Variants in ZNF706 observed in about 807,000 individuals in gnomAD.
ZNF706 encodes zinc finger protein 706.
In ZNF706, 4 loss-of-function variants were observed where a neutral mutation model predicts 9.2. The observed-to-expected ratio is 0.43, with a 90% CI of 0.21 to 0.99. ZNF706 has a LOEUF of 0.99. Among genes scored for constraint, ZNF706 ranks in the 50% least tolerant of loss-of-function variants. ZNF706 has a pLI of 0.26. For synonymous variants in ZNF706, 28 were observed against 27.3 expected, an observed-to-expected ratio of 1.03 and a Z score of -0.08; for missense variants, 27 against 87.8, an observed-to-expected ratio of 0.31 and a Z score of 2.77.
intron 1 of ZNF706, chr8:101,204,866 A>G: frequency 1.0e-6 from 1 of 985,762 alleles, no homozygotes. Context: ...TCGGAAAGGA[A>G]GAGGCCCAGG....
Position 101,201,423 on chromosome 8 carries a change from G to A in ZNF706, c.135+184C>T. ...CCCAGCACCTAGAGATTTTTGCCTG[G>A]CCACAGGAGCCATTCAAAAAATATT... On this transcript the variant is annotated intron_variant, in intron 2 of 3. Coordinates refer to ENST00000311212, the MANE Select transcript of ZNF706 (RefSeq NM_016096.5). This position sits in a 1 kb window ranked among gnomAD's most constrained non-coding sequence, Gnocchi z 4.5. 1.7e-6 allele frequency: 1 copy of A among 579,980 alleles called. No individual in the cohort carries two copies. Among genetic ancestry groups the A allele is most frequent in the Non-Finnish European group, 2.9e-6 (1 of 345,734 alleles). 35.9% of individuals were successfully genotyped at this position (579,980 alleles called of 1,614,324 possible). A position where few individuals can be genotyped will look rare whatever the true frequency, so the allele number is the denominator to read the frequency against.
At position 101,201,451 on chromosome 8, in the gene ZNF706, T is replaced by C; in HGVS notation, c.135+156A>G. 1.4e-6 allele frequency: 1 copy of C among 708,122 alleles called. No homozygotes were observed. Among genetic ancestry groups the C allele is most frequent in the Non-Finnish European group, 2.2e-6 (1 of 450,542 alleles). The allele number at this position is 708,122 out of a possible 1,614,324, so 43.9% of individuals were successfully genotyped here. A position where few individuals can be genotyped will look rare whatever the true frequency, so the allele number is the denominator to read the frequency against. On this transcript the variant is annotated intron_variant, in intron 2 of 3. Transcript: ENST00000311212. This position sits in a 1 kb window ranked among gnomAD's most constrained non-coding sequence, Gnocchi z 4.5. ...ACAGGAGCCATTCAAAAAATATTTG[T>C]TTAAAGGGTGAATGAAAATAGATAC...
At position 101,197,910 on chromosome 8, in the gene ZNF706, AG is replaced by A. The variant is rs1810421413; in HGVS notation, c.*1341del. 6.6e-6 allele frequency: 1 copy of A among 152,206 alleles called. No individual in the cohort carries two copies. Among genetic ancestry groups the A allele is most frequent in the African/African-American group, 2.4e-5 (1 of 41,460 alleles). The allele number at this position is 152,206 out of a possible 1,614,324, so 9.4% of individuals were successfully genotyped here. The stretch of plus-strand genomic sequence containing the variant: ...AAGCAATGATAAGCTACAGCAGAAG[AG>A]GGAATGCATTCTGTAATCCACAGGA... On this transcript the variant is annotated 3_prime_UTR_variant, in exon 4 of 4. Coordinates refer to ENST00000311212, the MANE Select transcript of ZNF706 (RefSeq NM_016096.5).
rs1226357493 is a variant in ZNF706, at chr8:101,205,280, C to T, written c.-3+155G>A. On this transcript the variant is annotated intron_variant, in intron 1 of 3. Transcript: ENST00000311212. The surrounding 1 kb of genome is among the most constrained non-coding windows in gnomAD (Gnocchi z 6.6). ...CCTGGCAGGCGCCCGAACTCATCCC[C>T]TTCCCGCGGCCCGCCCCGGGCCGGG... 6.6e-6 allele frequency: 1 copy of T among 151,688 alleles called. No homozygotes were observed. Among genetic ancestry groups the T allele is most frequent in the Non-Finnish European group, 1.5e-5 (1 of 67,894 alleles). The allele number at this position is 151,688 out of a possible 1,614,324, so 9.4% of individuals were successfully genotyped here.
At chr8:101,202,781 C>T (rs527460744) in intron 1 of ZNF706, 99 of 152,286 alleles carry the variant, frequency 6.5e-4, no homozygotes, top group Middle Eastern at 6.8e-3. Flanking sequence ...GTTTAGCCCC[C>T]GCTATCATTT....
rs975970677 is a variant in ZNF706, at chr8:101,205,034, C to A, written c.-3+401G>T. On this transcript the variant is annotated intron_variant, in intron 1 of 3. Transcript: ENST00000311212. This position sits in a 1 kb window ranked among gnomAD's most constrained non-coding sequence, Gnocchi z 6.6. Reference sequence around the variant, plus strand: ...AAACCCGCCTCTCCCGCCTCGGAGACCCCCTCCTCCTCCCTGCCACCAAAG... The same window carrying A: ...AAACCCGCCTCTCCCGCCTCGGAGAACCCCTCCTCCTCCCTGCCACCAAAG... 3 of 756,028 alleles carry A rather than the reference C, an allele frequency of 4.0e-6. No homozygotes were observed. Among genetic ancestry groups the A allele is most frequent in the Non-Finnish European group, 4.8e-6 (3 of 620,584 alleles). 46.8% of individuals were successfully genotyped at this position (756,028 alleles called of 1,614,324 possible). A position where few individuals can be genotyped will look rare whatever the true frequency, so the allele number is the denominator to read the frequency against.
intron 2 of ZNF706, chr8:101,200,664 G>A (rs1445458055): frequency 6.5e-6 from 1 of 153,240 alleles, no homozygotes; most frequent in Non-Finnish European, 1.5e-5. Flanking sequence ...TTAGATTAAG[G>A]TATTTCTTCA....
chr8:101,198,798 A>AGACTCTGCTCAGT lies in ZNF706; in HGVS notation c.*453_*454insACTGAGCAGAGTC, dbSNP rs1456257538. Reference sequence around the variant, plus strand: ...TAATGAATCAGTCTGCTCTAGTTTAACTGAGGAACCTGCCACTGAGCAGAG... The same window carrying AGACTCTGCTCAGT: ...TAATGAATCAGTCTGCTCTAGTTTAAGACTCTGCTCAGTCTGAGGAACCTGCCACTGAGCAGAG... On this transcript the variant is annotated 3_prime_UTR_variant, in exon 4 of 4. Transcript: ENST00000311212. 6.4e-6 allele frequency: 1 copy of AGACTCTGCTCAGT among 157,464 alleles called. No individual in the cohort carries two copies. Among genetic ancestry groups the AGACTCTGCTCAGT allele is most frequent in the Non-Finnish European group, 1.4e-5 (1 of 71,342 alleles). The allele number at this position is 157,464 out of a possible 1,614,324, so 9.8% of individuals were successfully genotyped here.
At position 101,197,641 on chromosome 8, in the gene ZNF706, A is replaced by G. The variant is rs1201714619; in HGVS notation, c.*1611T>C. ...ACTTTTAAGTTGTGATTTAACCAGA[A>G]CTTCTGCAATATCCACAAGAAATTA... is the stretch of plus-strand genomic sequence containing the variant. On this transcript the variant is annotated 3_prime_UTR_variant, in exon 4 of 4. Coordinates refer to ENST00000311212, the MANE Select transcript of ZNF706 (RefSeq NM_016096.5). 2 of 152,232 alleles carry G rather than the reference A, an allele frequency of 1.3e-5. No individual in the cohort carries two copies. The highest frequency in any genetic ancestry group is 2.9e-5 in the Non-Finnish European group (2 of 68,030). The allele number at this position is 152,232 out of a possible 1,614,324, so 9.4% of individuals were successfully genotyped here. A position where few individuals can be genotyped will look rare whatever the true frequency, so the allele number is the denominator to read the frequency against.
chr8:101,201,590 A>T lies in ZNF706; in HGVS notation c.135+17T>A. Reference sequence around the variant, plus strand: ...TGCCCACGGGAGAGCTGTATCTTTCAATTCAATTCCCCTTACCCTACAGAC... The same window carrying T: ...TGCCCACGGGAGAGCTGTATCTTTCTATTCAATTCCCCTTACCCTACAGAC... On this transcript the variant is annotated intron_variant, in intron 2 of 3. Transcript: ENST00000311212. This position sits in a 1 kb window ranked among gnomAD's most constrained non-coding sequence, Gnocchi z 4.5. 6.2e-7 allele frequency: 1 copy of T among 1,607,432 alleles called. No individual in the cohort carries two copies. Among genetic ancestry groups the T allele is most frequent in the Non-Finnish European group, 8.5e-7 (1 of 1,177,986 alleles).
At chr8:101,204,800 G>C (rs1810691791) in intron 1 of ZNF706, 1 of 985,322 alleles carries the variant, frequency 1.0e-6, no homozygotes, top group African/African-American at 1.7e-5. Context: ...CAACATAAAT[G>C]AGTAACAGAA....
chr8:101,199,279 T>C, intron 3 of ZNF706, 40 bp from the exon 4 acceptor site: 2 of 699,556 alleles, frequency 2.9e-6, no homozygotes, highest in Non-Finnish European at 5.2e-6. Flanking sequence ...ATGTTACCAT[T>C]GCACAAATGC....
chr8:101,199,239 C>T lies in ZNF706; in HGVS notation c.*13G>A, dbSNP rs778050893. On this transcript the variant is annotated splice_region_variant and 3_prime_UTR_variant, in exon 4 of 4. Transcript: ENST00000311212. ...AAGAGTCAAAGGTGTCATGAATTCA[C>T]CTATAAAACATAAGCAAAATTTTCA... The T allele has an allele frequency of 4.3e-6, 3 of 701,836 alleles. No homozygotes were observed. In the South Asian group the frequency reaches 4.4e-5, roughly 10 times the overall value. 43.5% of individuals were successfully genotyped at this position (701,836 alleles called of 1,614,324 possible).
Position 101,197,328 on chromosome 8 carries a change from G to A in ZNF706, c.*1924C>T, listed in dbSNP as rs1348394592. 3 of 152,070 alleles carry A rather than the reference G, an allele frequency of 2.0e-5. No individual in the cohort carries two copies. Among genetic ancestry groups the A allele is most frequent in the Non-Finnish European group, 4.4e-5 (3 of 68,002 alleles). The allele number at this position is 152,070 out of a possible 1,614,324, so 9.4% of individuals were successfully genotyped here. A position where few individuals can be genotyped will look rare whatever the true frequency, so the allele number is the denominator to read the frequency against. The stretch of plus-strand genomic sequence containing the variant: ...TCAAATTAAATTACAGGGATGTTTG[G>A]TTTTTAACTCAAACACAGTAAAATG... On this transcript the variant is annotated 3_prime_UTR_variant, in exon 4 of 4. Transcript: ENST00000311212.
In ZNF706 at chr8:101,201,943, C is replaced by A. The variant is rs1396424762; in HGVS notation, c.-2-200G>T. ...AACCCTGTGGAAAACTAGTTGGTAGCTGTTTATTCTATGAGCCAGCAATTC... is the reference window on the plus strand; with the variant it reads ...AACCCTGTGGAAAACTAGTTGGTAGATGTTTATTCTATGAGCCAGCAATTC... On this transcript the variant is annotated intron_variant, in intron 1 of 3. Coordinates refer to ENST00000311212, the MANE Select transcript of ZNF706 (RefSeq NM_016096.5). This position sits in a 1 kb window ranked among gnomAD's most constrained non-coding sequence, Gnocchi z 4.5. 6.6e-6 allele frequency among the ~76,000 whole-genome samples: 1 copy of A among 152,096 alleles called. No individual in the cohort carries two copies. Among genetic ancestry groups the A allele is most frequent in the Non-Finnish European group, 1.5e-5 (1 of 68,014 alleles).
Position 101,197,067 on chromosome 8 carries a change from T to C in ZNF706, c.*2185A>G, listed in dbSNP as rs1454380826. 3 of 152,192 alleles carry C rather than the reference T, an allele frequency of 2.0e-5. No homozygotes were observed. Among genetic ancestry groups the C allele is most frequent in the African/African-American group, 7.2e-5 (3 of 41,430 alleles). 9.4% of individuals were successfully genotyped at this position (152,192 alleles called of 1,614,324 possible). A position where few individuals can be genotyped will look rare whatever the true frequency, so the allele number is the denominator to read the frequency against. ...ACTAGTTTAGTTTTCTTTAATATCT[T>C]CTTTAATAAGACATTACAGCACACA... On this transcript the variant is annotated 3_prime_UTR_variant, in exon 4 of 4. Coordinates refer to ENST00000311212, the MANE Select transcript of ZNF706 (RefSeq NM_016096.5).
chr8:101,206,017 G>A (rs1810761252), upstream of ZNF706: 1 of 152,296 alleles, frequency 6.6e-6, no homozygotes, highest in Non-Finnish European at 1.5e-5. Flanking sequence ...CACTCGGGCG[G>A]CGGCCGGGCC....
At chr8:101,199,845 G>A in intron 3 of ZNF706, 145 bp downstream of exon 3, 1 of 599,842 alleles carries the variant, frequency 1.7e-6, no homozygotes, top group South Asian at 2.1e-5. Context: ...CTGAGAAAAA[G>A]GGACTTTTCA....
chr8:101,202,299 A>AAAG (rs1810589632), intron 1 of ZNF706: 1 of 149,484 alleles, frequency 6.7e-6, no homozygotes. Context: ...AAAAAAAAAA[A>AAAG]AAAAAAAAAT....
Sources: gnomAD v4.1 joint callset for allele counts (sites outside exome capture counted in the v4.1 genomes callset) on GRCh38, gnomAD v4.1.1 for gene constraint, Gnocchi (gnomAD v3.1) non-coding constraint, MANE v1.5 for transcripts, NCBI Gene and HGNC (gene_info 2026-07-23, HGNC 2026-07-21) for gene names.